Variants in KIF2A observed in about 807,000 individuals in gnomAD.
KIF2A encodes the protein kinesin-like protein KIF2A.
Under a neutral mutation model 100.2 loss-of-function variants are expected in KIF2A, and 22 were observed. The ratio of observed to expected loss-of-function variants is 0.22; its 90% confidence interval spans 0.16 to 0.31. KIF2A has a LOEUF of 0.31. Ranked by LOEUF, KIF2A falls within the 10% of genes least tolerant of loss-of-function variation. The probability of loss-of-function intolerance (pLI) is 1.00; values close to 1 mark genes in which losing one functional copy is unlikely to be tolerated. For missense variants in KIF2A, 495 were observed against 898.7 expected, an observed-to-expected ratio of 0.55 and a Z score of 5.74; for synonymous variants, 268 against 285.9, an observed-to-expected ratio of 0.94 and a Z score of 0.63.
intron 1 of KIF2A, among the ~76,000 whole-genome samples, chr5:62,320,348 A>G (rs1746035911): frequency 6.6e-6 from 1 of 152,174 alleles, no homozygotes; most frequent in Non-Finnish European, 1.5e-5. Flanking sequence ...ATACATGAAT[A>G]TATCTGTAGG....
intron 19 of KIF2A, among the ~76,000 whole-genome samples, chr5:62,378,792 C>A (rs1370587638): frequency 1.3e-5 from 2 of 151,912 alleles, no homozygotes; most frequent in African/African-American, 4.8e-5. Context: ...GTATAGCATG[C>A]CTGTAGTCCC....
intron 1 of KIF2A, among the ~76,000 whole-genome samples, chr5:62,328,740 CCT>C (rs1286950567): frequency 1.3e-5 from 2 of 152,204 alleles, no homozygotes; most frequent in Non-Finnish European, 2.9e-5. Flanking sequence ...GATCCGCCCG[CCT>C]CAGCCTCCCA....
intron 1 of KIF2A, among the ~76,000 whole-genome samples, chr5:62,337,362 C>T (rs1447768819): frequency 2.6e-5 from 4 of 151,926 alleles, no homozygotes; most frequent in African/African-American, 7.3e-5. Context: ...TGTGGTGGCG[C>T]GTGCATGTAA....
intron 19 of KIF2A, among the ~76,000 whole-genome samples, chr5:62,380,113 G>T (rs1030057339): frequency 6.6e-6 from 1 of 152,116 alleles, no homozygotes; most frequent in Non-Finnish European, 1.5e-5. Flanking sequence ...GGCTGATCTT[G>T]AACTCCTGAC....
chr5:62,381,776 C>G (rs371373144), intron 20 of KIF2A, among the ~76,000 whole-genome samples: 1 of 152,202 alleles, frequency 6.6e-6, no homozygotes, highest in Non-Finnish European at 1.5e-5. Context: ...GTTGCTCAGG[C>G]TGTCTCAAAC....
At chr5:62,324,628 A>T (rs1746270303) in intron 1 of KIF2A, among the ~76,000 whole-genome samples, 1 of 152,238 alleles carries the variant, frequency 6.6e-6, no homozygotes, top group South Asian at 2.1e-4. Context: ...CTTATTCAGT[A>T]AATGGTGCTG....
intron 16 of KIF2A, 117 bp downstream of exon 16, chr5:62,366,598 C>A (rs1287518035): frequency 1.5e-5 from 9 of 590,008 alleles, no homozygotes; most frequent in Non-Finnish European, 2.1e-5. Context: ...TTGGGAGGCC[C>A]AGGCGGGCGG....
intron 16 of KIF2A, among the ~76,000 whole-genome samples, chr5:62,368,791 T>C (rs1580087525): frequency 6.6e-6 from 1 of 151,838 alleles, no homozygotes; most frequent in East Asian, 1.9e-4. Context: ...AAAAAAAAAG[T>C]AATAGAACTA....
chr5:62,309,711 T>G (rs1653026131), intron 1 of KIF2A, among the ~76,000 whole-genome samples: 1 of 152,358 alleles, frequency 6.6e-6, no homozygotes, highest in African/African-American at 2.4e-5. Context: ...GGCTTGCTGA[T>G]GGCGATCCAT....
intron 1 of KIF2A, among the ~76,000 whole-genome samples, chr5:62,323,083 C>G (rs1561250975): frequency 2.0e-5 from 3 of 151,452 alleles, no homozygotes; most frequent in African/African-American, 7.3e-5. Context: ...ATGGAGAAAC[C>G]TCATCTCTGC....
At chr5:62,343,318 C>T (rs1747395160) in intron 1 of KIF2A, among the ~76,000 whole-genome samples, 1 of 152,102 alleles carries the variant, frequency 6.6e-6, no homozygotes, top group Admixed American at 6.6e-5. Context: ...CTCTAATGCC[C>T]ATCTGTATTA....
rs1580115069 is a variant in KIF2A at position 62,387,945 on chromosome 5, G to A, written c.*2376G>A. ...TCTATTAAGTTAGGTATTAAAAAAAGCCAAATATCAATAAAGATATTTTTA... is the reference window on the plus strand; with the variant it reads ...TCTATTAAGTTAGGTATTAAAAAAAACCAAATATCAATAAAGATATTTTTA... On this transcript the variant is annotated 3_prime_UTR_variant, in exon 21 of 21. Coordinates refer to ENST00000407818, the MANE Select transcript of KIF2A (RefSeq NM_001098511.3). 1.3e-5 allele frequency: 2 copies of A among 151,870 alleles called. No individual in the cohort carries two copies. Among genetic ancestry groups the A allele is most frequent in the Admixed American group, 1.3e-4 (2 of 15,250 alleles). The allele number at this position is 151,870 out of a possible 1,614,324, so 9.4% of individuals were successfully genotyped here.
At chr5:62,374,141 A>G (rs1401488535) in intron 18 of KIF2A, among the ~76,000 whole-genome samples, 1 of 152,106 alleles carries the variant, frequency 6.6e-6, no homozygotes, top group Non-Finnish European at 1.5e-5. Flanking sequence ...GAGCACAGGA[A>G]TTCTGGGCTG....
intron 1 of KIF2A, among the ~76,000 whole-genome samples, chr5:62,313,318 A>T (rs1026458646): frequency 6.6e-6 from 1 of 152,258 alleles, no homozygotes; most frequent in African/African-American, 2.4e-5. Flanking sequence ...TATGACCAAT[A>T]TCCGTGATCC....
chr5:62,344,343 T>TC (rs1747449062), intron 1 of KIF2A, among the ~76,000 whole-genome samples: 1 of 134,052 alleles, frequency 7.5e-6, no homozygotes, highest in African/African-American at 2.6e-5. Context: ...CGCGACTCCA[T>TC]CTCAAAAAAA....
At position 62,373,739 on chromosome 5, in the gene KIF2A, A is replaced by G; in HGVS notation, c.1813A>G (p.Met605Val). ...TGCTGCTGGTGATGTTCGTCCAATA[A>G]TGCACCATCCACCAAACCAGATTGA... ...PTAAGDVRPI[M>V]HHPPNQIDDL... The change falls in exon 18 of 21, where the codon ATG becomes GTG. Residue 605 changes from methionine to valine, a missense_variant. This residue lies in a region of KIF2A where 100 missense variants were observed against 138.2 expected (regional missense o/e 0.72). Transcript: ENST00000407818. 1 of 1,613,504 alleles carries G rather than the reference A, an allele frequency of 6.2e-7. No homozygotes were observed. The highest frequency in any genetic ancestry group is 8.5e-7 in the Non-Finnish European group (1 of 1,179,432).
At chr5:62,363,363 AAC>A in intron 13 of KIF2A, 43 bp downstream of exon 13, 1 of 1,571,472 alleles carries the variant, frequency 6.4e-7, no homozygotes, top group Non-Finnish European at 8.7e-7. Context: ...CAGTTTTAGA[AAC>A]TTTGGGTACA....
intron 1 of KIF2A, among the ~76,000 whole-genome samples, chr5:62,330,352 A>G (rs1419283880): frequency 2.0e-5 from 3 of 152,224 alleles, no homozygotes; most frequent in Non-Finnish European, 4.4e-5. Flanking sequence ...AAGAAAGAGA[A>G]AAAAAAGAAA....
chr5:62,374,748 G>A (rs1020577445), intron 18 of KIF2A, among the ~76,000 whole-genome samples: 19 of 152,104 alleles, frequency 1.2e-4, no homozygotes, highest in Non-Finnish European at 2.1e-4. Context: ...TGGCCAACAT[G>A]GTAAAACCTG....
Sources: allele counts gnomAD v4.1 joint callset (sites outside exome capture counted in the v4.1 genomes callset), GRCh38; gene constraint gnomAD v4.1.1; regional missense constraint gnomAD v4.1.1; transcripts MANE v1.5; gene names NCBI Gene and HGNC (gene_info 2026-07-23, HGNC 2026-07-21).